TCF12: variants seen among roughly 807,000 people sequenced by gnomAD.
TCF12 encodes the protein transcription factor 12.
TCF12 carries 45 observed loss-of-function variants against 86.0 expected under a neutral mutation model. That is an observed-to-expected ratio of 0.52 (90% confidence interval 0.41 to 0.67). The LOEUF (loss-of-function observed/expected upper bound fraction) is 0.67. Ranked by LOEUF, TCF12 falls within the 30% of genes least tolerant of loss-of-function variation. TCF12 has a pLI of 0.00. For synonymous variants in TCF12, 330 were observed against 299.6 expected, an observed-to-expected ratio of 1.10 and a Z score of -1.05; for missense variants, 881 against 859.9, an observed-to-expected ratio of 1.02 and a Z score of -0.31.
At chr15:56,977,829 A>G (rs918507600) in intron 3 of TCF12, among the ~76,000 whole-genome samples, 2 of 152,196 alleles carry the variant, frequency 1.3e-5, no homozygotes, top group Admixed American at 6.5e-5. Flanking sequence ...ATTGTAGCAC[A>G]TATCAGAATC....
intron 3 of TCF12, among the ~76,000 whole-genome samples, chr15:56,947,621 T>C (rs780292672): frequency 6.6e-6 from 1 of 152,172 alleles, no homozygotes; most frequent in Non-Finnish European, 1.5e-5. Flanking sequence ...GAAGCAGTCT[T>C]TTGATGTGTG....
At chr15:56,954,047 A>G (rs1358284964) in intron 3 of TCF12, among the ~76,000 whole-genome samples, 3 of 151,850 alleles carry the variant, frequency 2.0e-5, no homozygotes, top group Non-Finnish European at 2.9e-5. Flanking sequence ...ATAGGCCTTT[A>G]GTGCTATAAA....
At chr15:57,035,838 C>T (rs2066472969) in intron 3 of TCF12, among the ~76,000 whole-genome samples, 1 of 152,114 alleles carries the variant, frequency 6.6e-6, no homozygotes, top group Non-Finnish European at 1.5e-5. Context: ...ACTGGGAAAC[C>T]CCGTTGCACC....
intron 3 of TCF12, among the ~76,000 whole-genome samples, chr15:56,939,575 G>C (rs2140333521): frequency 6.6e-6 from 1 of 152,302 alleles, no homozygotes; most frequent in East Asian, 1.9e-4. Flanking sequence ...CTCTGTGGAA[G>C]CAAAGATAGT....
chr15:57,189,333 A>G (rs568550875), intron 6 of TCF12, among the ~76,000 whole-genome samples: 2 of 152,352 alleles, frequency 1.3e-5, no homozygotes, highest in Admixed American at 1.3e-4. Context: ...AAATTTTGCA[A>G]TTCATATATC....
intron 8 of TCF12, among the ~76,000 whole-genome samples, chr15:57,222,428 A>G (rs1379589990): frequency 6.6e-6 from 1 of 152,022 alleles, no homozygotes; most frequent in Non-Finnish European, 1.5e-5. Flanking sequence ...AAAAATGTTA[A>G]TGCAGTTTTT....
chr15:57,052,694 C>A (rs2067722655), intron 3 of TCF12, among the ~76,000 whole-genome samples: 1 of 151,184 alleles, frequency 6.6e-6, no homozygotes, highest in African/African-American at 2.4e-5. Context: ...GAAAACTTGT[C>A]CTTATGTTAA....
At chr15:57,038,992 C>G (rs1184335237) in intron 3 of TCF12, among the ~76,000 whole-genome samples, 1 of 152,168 alleles carries the variant, frequency 6.6e-6, no homozygotes, top group Non-Finnish European at 1.5e-5. Context: ...AAAAGGTACT[C>G]CAAATGCTGT....
chr15:57,280,020 A>C (rs2061611971), intron 19 of TCF12, among the ~76,000 whole-genome samples: 1 of 150,592 alleles, frequency 6.6e-6, no homozygotes, highest in Admixed American at 6.6e-5. Flanking sequence ...CAGCCTCCCG[A>C]GTAGCTGAGA....
chr15:57,089,814 C>CAAAGG (rs2048877053), intron 4 of TCF12, among the ~76,000 whole-genome samples: 1 of 152,068 alleles, frequency 6.6e-6, no homozygotes, highest in Non-Finnish European at 1.5e-5. Context: ...TTGATGCCTT[C>CAAAGG]CTTTGACTGT....
intron 5 of TCF12, among the ~76,000 whole-genome samples, chr15:57,143,422 ATT>A (rs1263984133): frequency 3.9e-5 from 6 of 152,274 alleles, no homozygotes; most frequent in African/African-American, 1.4e-4. Context: ...AGGAAGTTTC[ATT>A]TACTAACAAC....
intron 8 of TCF12, among the ~76,000 whole-genome samples, chr15:57,226,130 G>A (rs1236494821): frequency 6.7e-6 from 1 of 149,732 alleles, no homozygotes; most frequent in Admixed American, 6.7e-5. Flanking sequence ...TATAGGCCTA[G>A]AGTCTTAATT....
intron 3 of TCF12, among the ~76,000 whole-genome samples, chr15:56,969,707 T>G (rs2062191745): frequency 6.6e-6 from 1 of 152,076 alleles, no homozygotes; most frequent in African/African-American, 2.4e-5. Flanking sequence ...CTCGCCCATT[T>G]GGAGATATTA....
At chr15:57,084,875 A>G (rs1244781177) in intron 4 of TCF12, among the ~76,000 whole-genome samples, 1 of 152,136 alleles carries the variant, frequency 6.6e-6, no homozygotes, top group Admixed American at 6.6e-5. Flanking sequence ...TTTTACAGGT[A>G]TAAAGTTAGT....
intron 3 of TCF12, among the ~76,000 whole-genome samples, chr15:56,926,483 A>G (rs2060021483): frequency 6.6e-6 from 1 of 152,240 alleles, no homozygotes; most frequent in South Asian, 2.1e-4. Flanking sequence ...GGAAAACTCA[A>G]AAATGTTGAG....
chr15:57,074,509 G>A (rs952473011), intron 4 of TCF12, among the ~76,000 whole-genome samples: 2 of 152,038 alleles, frequency 1.3e-5, no homozygotes, highest in Non-Finnish European at 2.9e-5. Context: ...TTGTTTGTTT[G>A]TTTCTTTGTT....
At chr15:57,264,060 C>T (rs1236775800) in intron 18 of TCF12, among the ~76,000 whole-genome samples, 1 of 151,850 alleles carries the variant, frequency 6.6e-6, no homozygotes, top group East Asian at 1.9e-4. Flanking sequence ...AGTAAATTAA[C>T]CTTAGCTTAC....
At chr15:57,106,657 T>C (rs1169070136) in intron 5 of TCF12, among the ~76,000 whole-genome samples, 1 of 152,118 alleles carries the variant, frequency 6.6e-6, no homozygotes. Flanking sequence ...ATAAAAATAT[T>C]TGGAAAAGAC....
intron 8 of TCF12, among the ~76,000 whole-genome samples, chr15:57,206,866 G>A (rs2057842148): frequency 6.6e-6 from 1 of 150,740 alleles, no homozygotes; most frequent in Admixed American, 6.6e-5. Flanking sequence ...CAAGATGGGA[G>A]GAGTGTTTGA....
Sources: allele counts gnomAD v4.1 joint callset (sites outside exome capture counted in the v4.1 genomes callset), GRCh38; gene constraint gnomAD v4.1.1; transcripts MANE v1.5; gene names NCBI Gene and HGNC (gene_info 2026-07-23, HGNC 2026-07-21).